The following ABCA8 variants were observed in gnomAD, a reference collection of about 807,000 sequenced individuals.
The protein encoded by ABCA8 is ABC-type organic anion transporter ABCA8.
ABCA8 carries 177 observed loss-of-function variants against 192.3 expected under a neutral mutation model. That is an observed-to-expected ratio of 0.92 (90% CI 0.81 to 1.04). ABCA8 has a LOEUF of 1.04. Among genes scored for constraint, ABCA8 ranks in the 50% least tolerant of loss-of-function variants. The pLI is 0.00. For missense variants in ABCA8, 1,915 were observed against 1,904.8 expected (o/e 1.01, Z -0.10); for synonymous variants, 642 against 690.2 (o/e 0.93, Z 1.09).
chr17:68,923,846 G>A (rs1008729069), intron 11 of ABCA8, among the ~76,000 whole-genome samples: 5 of 152,094 alleles, frequency 3.3e-5, no homozygotes, highest in African/African-American at 1.2e-4. Context: ...GGATCTTAAG[G>A]ACTTTCTTCC....
In ABCA8 at chr17:68,882,630, G is replaced by A; in HGVS notation, c.3797C>T (p.Ala1266Val). ...AAAATTAGTAGAATTCAAGGCATTT[G>A]CTGTTCTCACTCTTTCCATCTGAAC... is the stretch of plus-strand genomic sequence containing the variant. ...EDVQMERVRT[A>V]NALNSTNFDE... The change falls in exon 30 of 40, where the codon GCA becomes GTA. Residue 1266 changes from alanine to valine, a missense_variant. Ala to Val is a moderately conservative substitution (Grantham distance 64, BLOSUM62 0). Coordinates refer to ENST00000586539, the MANE Select transcript of ABCA8 (RefSeq NM_001288985.2). The A allele has an allele frequency of 6.2e-7, 1 of 1,612,466 alleles. No individual in the cohort carries two copies. Among genetic ancestry groups the A allele is most frequent in the Non-Finnish European group, 8.5e-7 (1 of 1,179,346 alleles).
At chr17:68,879,593 G>A (rs1216152935) in intron 32 of ABCA8, 1 of 152,640 alleles carries the variant, frequency 6.6e-6, no homozygotes, top group Non-Finnish European at 1.5e-5. Context: ...GGCTGTAGCA[G>A]GGGAGGTGTG....
In ABCA8 at chr17:68,867,420, C is replaced by A. The variant is rs192300762; in HGVS notation, c.*665G>T. 2.2e-4 allele frequency: 34 copies of A among 152,248 alleles called. No individual in the cohort carries two copies. In the East Asian group the frequency reaches 5.4e-3, roughly 24 times the overall value. 9.4% of individuals were successfully genotyped at this position (152,248 alleles called of 1,614,324 possible). A position where few individuals can be genotyped will look rare whatever the true frequency, so the allele number is the denominator to read the frequency against. Reference sequence around the variant, plus strand: ...AAAAGATCATTTACAATGTAGACATCACTAAAGTCTAGATTTAAAAGTCCA... The same window carrying A: ...AAAAGATCATTTACAATGTAGACATAACTAAAGTCTAGATTTAAAAGTCCA... On this transcript the variant is annotated 3_prime_UTR_variant, in exon 40 of 40. Coordinates refer to ENST00000586539, the MANE Select transcript of ABCA8 (RefSeq NM_001288985.2).
chr17:68,895,103 G>T, intron 21 of ABCA8, 90 bp from the exon 22 acceptor site: 1 of 1,161,408 alleles, frequency 8.6e-7, no homozygotes. Flanking sequence ...GTCATTATGT[G>T]AAGCAGTAAT....
chr17:68,941,044 C>CT (rs2068216400), intron 3 of ABCA8, 82 bp from the exon 4 acceptor site: 2 of 1,114,700 alleles, frequency 1.8e-6, no homozygotes, highest in Admixed American at 2.4e-5. Flanking sequence ...AAGTTTGCCT[C>CT]TTTTTTACTT....
In ABCA8 at chr17:68,909,613, A is replaced by G. The variant is rs1396328420; in HGVS notation, c.2139-1734T>C. Among the ~76,000 whole-genome samples the G allele has an allele frequency of 5.3e-5, 8 of 152,206 alleles. No individual in the cohort carries two copies. The East Asian group carries it at 1.3e-3, about 26-fold the overall frequency. On this transcript the variant is annotated intron_variant, in intron 17 of 39. Coordinates refer to ENST00000586539, the MANE Select transcript of ABCA8 (RefSeq NM_001288985.2). ...CCTTTACTTGTAAGTAGGAATTGCT[A>G]CTCTCACTTTGTAGGTGGAAACACT...
At chr17:68,954,940 C>T (rs936671527) in intron 1 of ABCA8, among the ~76,000 whole-genome samples, 5 of 152,134 alleles carry the variant, frequency 3.3e-5, no homozygotes, top group Non-Finnish European at 7.4e-5. Context: ...AAACTTATTT[C>T]TACACTCAGT....
At chr17:68,909,674 A>G (rs1460298182) in intron 17 of ABCA8, among the ~76,000 whole-genome samples, 1 of 152,186 alleles carries the variant, frequency 6.6e-6, no homozygotes, top group Non-Finnish European at 1.5e-5. Flanking sequence ...CCAAGAAGAG[A>G]TGCAAACAAA....
At chr17:68,942,112 C>CA (rs761584240) in intron 2 of ABCA8, 73 bp from the exon 3 acceptor site, 92 of 1,142,504 alleles carry the variant, frequency 8.1e-5, no homozygotes, top group Non-Finnish European at 7.9e-5. Flanking sequence ...CTGCAAACAA[C>CA]AAAAAAACGT....
In ABCA8 at chr17:68,918,732, G is replaced by A. The variant is rs560042871; in HGVS notation, c.1789-186C>T. ...GCAGATAACGAGGTGAGGAGTTCGA[G>A]ACCAGCCTGGCCAACATGGCGAAAC... On this transcript the variant is annotated intron_variant, in intron 14 of 39. Transcript: ENST00000586539. Among the ~76,000 whole-genome samples, 132 of 152,164 alleles carry A rather than the reference G, an allele frequency of 8.7e-4. 1 individual carries two copies. The highest frequency in any genetic ancestry group is 3.4e-3 in the Middle Eastern group (1 of 294).
rs1375365914 is a variant in ABCA8, at chr17:68,940,873, C to T, written c.186G>A (p.Met62Ile). The change falls in exon 4 of 40, where the codon ATG becomes ATA. Residue 62 changes from methionine (M) to isoleucine (I), a missense_variant. Met to Ile is a conservative substitution (Grantham distance 10, BLOSUM62 1). Transcript: ENST00000586539. ...QVNDFSSLLTMDLGRVDTFNE... is the reference protein window; with the variant it reads ...QVNDFSSLLTIDLGRVDTFNE... ...TAAATGTATCTACCCGTCCCAGGTCCATGGTAAGCAGTGAAGAAAAATCAT... is the reference window on the plus strand; with the variant it reads ...TAAATGTATCTACCCGTCCCAGGTCTATGGTAAGCAGTGAAGAAAAATCAT... The T allele has an allele frequency of 6.2e-7, 1 of 1,613,172 alleles. No homozygotes were observed. The highest frequency in any genetic ancestry group is 8.5e-7 in the Non-Finnish European group (1 of 1,179,344).
At chr17:68,881,030 G>A (rs2066323521) in intron 32 of ABCA8, 90 bp downstream of exon 32, 3 of 875,736 alleles carry the variant, frequency 3.4e-6, no homozygotes, top group Non-Finnish European at 5.8e-6. Context: ...GTTATATAAG[G>A]ATTAAGTGGA....
rs1598180899 is a variant in ABCA8 at position 68,875,467 on chromosome 17, G to C, written c.4491-67C>G. 17 of 1,604,098 alleles carry C rather than the reference G, an allele frequency of 1.1e-5. No individual in the cohort carries two copies. The South Asian group carries it at 1.7e-4, about 16-fold the overall frequency. The stretch of plus-strand genomic sequence containing the variant: ...ATTCAGTATGTTGTTTGAGAAACTT[G>C]ATTTGCTGCTAGCATTGTCTCAAGG... On this transcript the variant is annotated intron_variant, in intron 36 of 39. Coordinates refer to ENST00000586539, the MANE Select transcript of ABCA8 (RefSeq NM_001288985.2).
chr17:68,919,699 A>G lies in ABCA8; in HGVS notation c.1613-223T>C, dbSNP rs1315291426. ...CTGCCCCTCACATTTAGCTTTGCCT[A>G]TATACCCTGTAGTATCCTAGCAAAT... is the stretch of plus-strand genomic sequence containing the variant. On this transcript the variant is annotated intron_variant, in intron 13 of 39. Coordinates refer to ENST00000586539, the MANE Select transcript of ABCA8 (RefSeq NM_001288985.2). The G allele has an allele frequency of 6.9e-6, 3 of 434,924 alleles. No individual in the cohort carries two copies. In the East Asian group the frequency reaches 1.1e-4, roughly 16 times the overall value. The allele number at this position is 434,924 out of a possible 1,614,324, so 26.9% of individuals were successfully genotyped here. A position where few individuals can be genotyped will look rare whatever the true frequency, so the allele number is the denominator to read the frequency against.
chr17:68,909,394 A>C (rs1175827090), intron 17 of ABCA8, among the ~76,000 whole-genome samples: 1 of 152,186 alleles, frequency 6.6e-6, no homozygotes, highest in Non-Finnish European at 1.5e-5. Context: ...CAGAAAGAGG[A>C]AGTAGGCTGG....
intron 17 of ABCA8, among the ~76,000 whole-genome samples, chr17:68,915,773 G>A (rs139960398): frequency 1.8e-3 from 269 of 152,158 alleles, no homozygotes; most frequent in Middle Eastern, 6.8e-3. Context: ...CCCACTACTA[G>A]GTATATACCC....
At chr17:68,893,794 G>A (rs1379093745) in intron 23 of ABCA8, among the ~76,000 whole-genome samples, 1 of 141,112 alleles carries the variant, frequency 7.1e-6, no homozygotes, top group African/African-American at 2.6e-5. Flanking sequence ...GTGCAGGTTA[G>A]TTACATATGT....
intron 4 of ABCA8, 105 bp from the exon 5 acceptor site, chr17:68,937,220 C>T (rs2068092228): frequency 1.0e-6 from 1 of 977,774 alleles, no homozygotes; most frequent in African/African-American, 1.7e-5. Context: ...GGAAATAAAA[C>T]ATTATCAAGT....
intron 19 of ABCA8, among the ~76,000 whole-genome samples, 181 bp downstream of exon 19, chr17:68,905,863 T>A (rs576475127): frequency 1.3e-5 from 2 of 152,318 alleles, no homozygotes; most frequent in South Asian, 4.1e-4. Flanking sequence ...GAGCCTTGGA[T>A]GTAGAAAAAT....
Sources: allele counts gnomAD v4.1 joint callset (sites outside exome capture counted in the v4.1 genomes callset), GRCh38; gene constraint gnomAD v4.1.1; transcripts MANE v1.5; gene names NCBI Gene and HGNC (gene_info 2026-07-23, HGNC 2026-07-21).